MAPK10: variants seen among roughly 807,000 people sequenced by gnomAD.
MAPK10 encodes JNK3 alpha protein kinase.
A neutral mutation model predicts 59.3 loss-of-function variants in MAPK10; 25 were observed. The observed-to-expected ratio is 0.42, with a 90% CI of 0.31 to 0.59. The LOEUF (loss-of-function observed/expected upper bound fraction) is 0.59, where lower values mean the gene tolerates loss of function less well. Among genes scored for constraint, MAPK10 ranks in the 20% least tolerant of loss-of-function variants. The probability of loss-of-function intolerance (pLI) is 0.15; values close to 1 mark genes in which losing one functional copy is unlikely to be tolerated. For missense variants in MAPK10, 351 were observed against 568.9 expected (o/e 0.62, Z 3.90); for synonymous variants, 190 against 200.5 (o/e 0.95, Z 0.44).
intron 4 of MAPK10, among the ~76,000 whole-genome samples, chr4:86,116,479 A>AT (rs767116905): frequency 2.6e-5 from 4 of 152,238 alleles, no homozygotes; most frequent in Non-Finnish European, 5.9e-5. Context: ...ATCTGGTTTT[A>AT]TATGTGAGAT....
chr4:86,037,081 C>A (rs2148930489), intron 11 of MAPK10, among the ~76,000 whole-genome samples: 1 of 152,220 alleles, frequency 6.6e-6, no homozygotes, highest in Middle Eastern at 3.4e-3. Context: ...TGGCTGTTGG[C>A]AGACAGTACA....
intron 2 of MAPK10, among the ~76,000 whole-genome samples, chr4:86,228,035 T>C (rs1247813558): frequency 6.6e-6 from 1 of 152,088 alleles, no homozygotes; most frequent in Non-Finnish European, 1.5e-5. Context: ...GCCCAAATCC[T>C]TGTTGGCTAT....
intron 1 of MAPK10, 99 bp from the exon 2 acceptor site, chr4:86,354,743 TG>T: frequency 4.8e-6 from 2 of 412,882 alleles, no homozygotes; most frequent in South Asian, 2.7e-4. Flanking sequence ...GGTTACTGGG[TG>T]GGTGAGTGTA....
chr4:86,276,903 T>C (rs1249292113), intron 2 of MAPK10: 1 of 152,216 alleles, frequency 6.6e-6, no homozygotes, highest in Non-Finnish European at 1.5e-5. Flanking sequence ...AAAGTCTGTC[T>C]ATGAGTCTAT....
At chr4:86,219,460 T>C (rs891131506) in intron 2 of MAPK10, among the ~76,000 whole-genome samples, 5 of 152,210 alleles carry the variant, frequency 3.3e-5, no homozygotes, top group Admixed American at 2.0e-4. Flanking sequence ...CACAATCCAA[T>C]GCTTCAAGCA....
chr4:86,151,163 T>C (rs979737455), intron 4 of MAPK10, among the ~76,000 whole-genome samples: 1 of 152,022 alleles, frequency 6.6e-6, no homozygotes, highest in Non-Finnish European at 1.5e-5. Context: ...ATGAAGGAAC[T>C]AACTGGGCAG....
At chr4:86,466,651 A>T (rs1752233310) in intron 1 of MAPK10, among the ~76,000 whole-genome samples, 1 of 152,240 alleles carries the variant, frequency 6.6e-6, no homozygotes, top group Admixed American at 6.5e-5. Flanking sequence ...ACAAATGTAA[A>T]AATCAAGTCT....
intron 1 of MAPK10, chr4:86,593,639 CA>C (rs2149120949): frequency 6.6e-6 from 1 of 152,144 alleles, no homozygotes; most frequent in East Asian, 1.9e-4. Flanking sequence ...AAACTTTTTT[CA>C]AAAATATGAG....
intron 1 of MAPK10, among the ~76,000 whole-genome samples, chr4:86,475,237 C>T (rs1238472219): frequency 2.0e-5 from 3 of 152,168 alleles, no homozygotes; most frequent in African/African-American, 7.2e-5. Flanking sequence ...AATTTTGGTG[C>T]CATGACTCGG....
At chr4:86,348,658 A>C (rs1327706680) in intron 2 of MAPK10, among the ~76,000 whole-genome samples, 1 of 152,130 alleles carries the variant, frequency 6.6e-6, no homozygotes, top group Non-Finnish European at 1.5e-5. Context: ...ACAGGCTCAA[A>C]CAGTTCTTAT....
chr4:86,263,934 C>A (rs1223547791), intron 2 of MAPK10, among the ~76,000 whole-genome samples: 1 of 152,166 alleles, frequency 6.6e-6, no homozygotes. Context: ...AATAGAGAGG[C>A]ATTAAAATTC....
At chr4:86,212,896 G>A (rs573934395) in intron 2 of MAPK10, among the ~76,000 whole-genome samples, 44 of 152,126 alleles carry the variant, frequency 2.9e-4, no homozygotes, top group Non-Finnish European at 4.4e-4. Flanking sequence ...GCTAATAGAC[G>A]TATACAGAAC....
intron 13 of MAPK10, chr4:86,025,448 C>A (rs2148906189): frequency 2.5e-6 from 1 of 398,078 alleles, no homozygotes; most frequent in East Asian, 3.6e-5. Context: ...AAGACATGGG[C>A]CTTGGCTTTA....
chr4:86,390,816 G>C (rs113713946), intron 1 of MAPK10, among the ~76,000 whole-genome samples: 103 of 152,172 alleles, frequency 6.8e-4, no homozygotes, highest in Non-Finnish European at 1.0e-3. Flanking sequence ...GGGCTTGTGG[G>C]AAGGTGCTGA....
chr4:86,034,861 T>C (rs1042220661), intron 11 of MAPK10, among the ~76,000 whole-genome samples: 1 of 152,046 alleles, frequency 6.6e-6, no homozygotes, highest in Non-Finnish European at 1.5e-5. Flanking sequence ...AAGAGCACAT[T>C]ATAAGCCAAG....
At chr4:86,337,984 C>T (rs546069842) in intron 2 of MAPK10, among the ~76,000 whole-genome samples, 65 of 152,302 alleles carry the variant, frequency 4.3e-4, no homozygotes, top group African/African-American at 1.3e-3. Flanking sequence ...ATCTTCCTCT[C>T]GGCCTTCCTT....
intron 1 of MAPK10, among the ~76,000 whole-genome samples, chr4:86,491,146 T>G (rs1478821659): frequency 6.6e-6 from 1 of 152,168 alleles, no homozygotes. Context: ...GAGCAAAGTA[T>G]GGCAGTCAGA....
At chr4:86,076,091 T>G (rs1467053631) in intron 9 of MAPK10, among the ~76,000 whole-genome samples, 1 of 152,162 alleles carries the variant, frequency 6.6e-6, no homozygotes, top group African/African-American at 2.4e-5. Flanking sequence ...GGATATAGTC[T>G]CGTGGTGCGC....
At chr4:86,150,981 G>C (rs1421367862) in intron 4 of MAPK10, among the ~76,000 whole-genome samples, 2 of 152,152 alleles carry the variant, frequency 1.3e-5, no homozygotes, top group African/African-American at 4.8e-5. Context: ...TTGTTTGAGG[G>C]GTAGGCACAT....
Sources: allele counts gnomAD v4.1 joint callset (sites outside exome capture counted in the v4.1 genomes callset), GRCh38; gene constraint gnomAD v4.1.1; transcripts MANE v1.5; gene names NCBI Gene and HGNC (gene_info 2026-07-23, HGNC 2026-07-21).